The following RPS6KC1 variants were observed in gnomAD, a reference collection of about 807,000 sequenced individuals.
RPS6KC1 encodes ribosomal protein S6 kinase C1.
In RPS6KC1, 54 loss-of-function variants were observed where a neutral mutation model predicts 103.8. The observed-to-expected ratio is 0.52, with a 90% CI of 0.42 to 0.65. The LOEUF is 0.65. Among genes scored for constraint, RPS6KC1 ranks in the 30% least tolerant of loss-of-function variants. The probability of loss-of-function intolerance (pLI) is 0.00; values close to 1 mark genes in which losing one functional copy is unlikely to be tolerated. For missense variants in RPS6KC1, 1,151 were observed against 1,253.8 expected (o/e 0.92, Z 1.24); for synonymous variants, 439 against 438.7 (o/e 1.00, Z -0.01).
intron 3 of RPS6KC1, among the ~76,000 whole-genome samples, chr1:213,099,580 A>G (rs1468155705): frequency 7.9e-5 from 12 of 152,222 alleles, no homozygotes; most frequent in African/African-American, 2.9e-4. Context: ...TGACAAACAT[A>G]TACCTGTATA....
chr1:213,596,325 T>TCCTG, the RPS6KC1 span, among the ~76,000 whole-genome samples: 1 of 152,372 alleles, frequency 6.6e-6, no homozygotes, highest in African/African-American at 2.4e-5. Flanking sequence ...CCTGGTTCCC[T>TCCTG]GTCTCCTTCA....
At chr1:213,664,088 G>A in the RPS6KC1 span, among the ~76,000 whole-genome samples, 3 of 151,270 alleles carry the variant, frequency 2.0e-5, no homozygotes, top group Admixed American at 2.0e-4. Flanking sequence ...ACCTTCTCTG[G>A]CCTGCACCCA....
At chr1:213,424,440 G>A in the RPS6KC1 span, among the ~76,000 whole-genome samples, 24 of 152,344 alleles carry the variant, frequency 1.6e-4, no homozygotes, top group African/African-American at 3.1e-4. Context: ...GAAGCGTTTC[G>A]AGAGCTCTTT....
chr1:213,552,471 T>C, the RPS6KC1 span, among the ~76,000 whole-genome samples: 14 of 152,232 alleles, frequency 9.2e-5, no homozygotes, highest in East Asian at 2.7e-3. Context: ...AACATGATTT[T>C]GAGCATCTTC....
chr1:213,772,089 C>T, the RPS6KC1 span, among the ~76,000 whole-genome samples: 1 of 152,126 alleles, frequency 6.6e-6, no homozygotes, highest in East Asian at 1.9e-4. Context: ...TTATATGTTT[C>T]AATTACTATT....
the RPS6KC1 span, among the ~76,000 whole-genome samples, chr1:213,556,899 G>A: frequency 6.6e-6 from 1 of 152,144 alleles, no homozygotes; most frequent in African/African-American, 2.4e-5. Flanking sequence ...GATTTGTGGA[G>A]CCAGTCATGG....
the RPS6KC1 span, among the ~76,000 whole-genome samples, chr1:213,649,503 ATTG>A: frequency 1.3e-5 from 2 of 151,866 alleles, no homozygotes; most frequent in African/African-American, 2.4e-5. Context: ...CTTTGATGCT[ATTG>A]TTCCCTGCTC....
At chr1:213,709,214 G>A in the RPS6KC1 span, among the ~76,000 whole-genome samples, 2 of 152,132 alleles carry the variant, frequency 1.3e-5, no homozygotes, top group Non-Finnish European at 2.9e-5. Flanking sequence ...ATTAACTACT[G>A]CCTCAATTTC....
the RPS6KC1 span, among the ~76,000 whole-genome samples, chr1:213,632,027 G>C: frequency 6.6e-6 from 1 of 152,102 alleles, no homozygotes; most frequent in Non-Finnish European, 1.5e-5. Flanking sequence ...TTTAAGGTTT[G>C]CTTCTTTTAT....
At chr1:213,158,831 G>T (rs867156506) in intron 6 of RPS6KC1, among the ~76,000 whole-genome samples, 8 of 152,160 alleles carry the variant, frequency 5.3e-5, no homozygotes, top group Middle Eastern at 3.4e-3. Flanking sequence ...ACTAGTGTAG[G>T]CTTGTAGTTC....
the RPS6KC1 span, among the ~76,000 whole-genome samples, chr1:213,853,593 A>C: frequency 0.012 from 1,894 of 152,284 alleles, 39 homozygotes; most frequent in East Asian, 0.088. Flanking sequence ...TTGCTGTTCC[A>C]CTTTTGTTTC....
At chr1:213,614,432 G>A in the RPS6KC1 span, among the ~76,000 whole-genome samples, 1 of 152,232 alleles carries the variant, frequency 6.6e-6, no homozygotes, top group Non-Finnish European at 1.5e-5. Flanking sequence ...TTTGATAGCA[G>A]TGCCTGAGTC....
At chr1:213,841,784 G>A in the RPS6KC1 span, among the ~76,000 whole-genome samples, 1 of 152,188 alleles carries the variant, frequency 6.6e-6, no homozygotes, top group Non-Finnish European at 1.5e-5. Context: ...AGAAGTGAAG[G>A]AGGGCTTATG....
downstream of RPS6KC1, among the ~76,000 whole-genome samples, chr1:213,276,869 G>A (rs1268843725): frequency 1.2e-4 from 19 of 152,300 alleles, no homozygotes; most frequent in Admixed American, 7.8e-4. Context: ...CCACACCTAC[G>A]TTTGCCTGTT....
intron 8 of RPS6KC1, among the ~76,000 whole-genome samples, chr1:213,221,994 C>T (rs191311998): frequency 1.6e-4 from 24 of 152,290 alleles, no homozygotes; most frequent in African/African-American, 5.5e-4. Context: ...CAACCTGCCT[C>T]AAAGAGATAT....
the RPS6KC1 span, among the ~76,000 whole-genome samples, chr1:213,488,230 G>A: frequency 6.6e-6 from 1 of 152,148 alleles, no homozygotes. Flanking sequence ...ATAGTACCTG[G>A]CATGTAGCTG....
At chr1:213,652,347 A>C in the RPS6KC1 span, among the ~76,000 whole-genome samples, 1 of 152,214 alleles carries the variant, frequency 6.6e-6, no homozygotes, top group South Asian at 2.1e-4. Context: ...ACTGAGGCAC[A>C]CGGAAGTAAA....
the RPS6KC1 span, among the ~76,000 whole-genome samples, chr1:213,593,807 T>C: frequency 1.3e-5 from 2 of 152,172 alleles, no homozygotes; most frequent in African/African-American, 2.4e-5. Flanking sequence ...CAATGGCTAT[T>C]GGGCTATTGG....
intron 7 of RPS6KC1, among the ~76,000 whole-genome samples, chr1:213,170,684 G>T (rs1160285100): frequency 6.6e-6 from 1 of 152,148 alleles, no homozygotes; most frequent in East Asian, 1.9e-4. Flanking sequence ...TTTCTTTTAT[G>T]GTAAACATTT....
Sources: allele counts gnomAD v4.1 joint callset (sites outside exome capture counted in the v4.1 genomes callset), GRCh38; gene constraint gnomAD v4.1.1; transcripts MANE v1.5; gene names NCBI Gene and HGNC (gene_info 2026-07-23, HGNC 2026-07-21).